The following NRG1 variants were observed in gnomAD, a reference collection of about 807,000 sequenced individuals.
NRG1 encodes the protein neuregulin 1.
A neutral mutation model predicts 63.8 loss-of-function variants in NRG1; 18 were observed. The observed-to-expected ratio is 0.28, with a 90% CI of 0.19 to 0.42. The LOEUF (loss-of-function observed/expected upper bound fraction) is 0.42, where lower values mean the gene tolerates loss of function less well. Ranked by LOEUF, NRG1 falls within the 10% of genes least tolerant of loss-of-function variation. The pLI, the probability that NRG1 is intolerant of heterozygous loss-of-function variation, is 1.00. For synonymous variants in NRG1, 302 were observed against 301.3 expected, an observed-to-expected ratio of 1.00 and a Z score of -0.02; for missense variants, 762 against 814.7, an observed-to-expected ratio of 0.94 and a Z score of 0.79.
intron 1 of NRG1, among the ~76,000 whole-genome samples, chr8:32,437,725 A>G: frequency 6.6e-6 from 1 of 152,172 alleles, no homozygotes; most frequent in East Asian, 1.9e-4. Context: ...TTACCAACAT[A>G]ACACCATCCT....
At chr8:32,411,216 A>G (rs1223504364) in intron 1 of NRG1, among the ~76,000 whole-genome samples, 1 of 152,166 alleles carries the variant, frequency 6.6e-6, no homozygotes, top group Non-Finnish European at 1.5e-5. Flanking sequence ...GACTCTGAGA[A>G]GACAGGTGGC....
At chr8:32,176,663 T>C (rs1043806286) in intron 1 of NRG1, among the ~76,000 whole-genome samples, 56 of 151,920 alleles carry the variant, frequency 3.7e-4, no homozygotes, top group African/African-American at 1.0e-3. Flanking sequence ...AAAAAGTGGG[T>C]GAAGGATATG....
At chr8:32,584,059 T>TACAC (rs113141626) in intron 1 of NRG1, among the ~76,000 whole-genome samples, 38,955 of 152,030 alleles carry the variant, frequency 0.26, 5,104 homozygotes, top group South Asian at 0.33. Flanking sequence ...TAGGGGAGAC[T>TACAC]ATTTGGACTC....
intron 1 of NRG1, among the ~76,000 whole-genome samples, chr8:32,094,097 A>T (rs1012905414): frequency 1.3e-5 from 2 of 152,160 alleles, no homozygotes; most frequent in African/African-American, 4.8e-5. Context: ...TCTGATATAT[A>T]CCTGTATCCA....
At chr8:32,258,678 G>A (rs149594432) in intron 1 of NRG1, among the ~76,000 whole-genome samples, 31 of 152,178 alleles carry the variant, frequency 2.0e-4, no homozygotes, top group Non-Finnish European at 3.5e-4. Context: ...ATCAGATCTC[G>A]TGAGAACTCA....
intron 5 of NRG1, chr8:32,647,423 C>T (rs991389973): frequency 1.0e-6 from 1 of 985,386 alleles, no homozygotes; most frequent in Admixed American, 6.1e-5. Context: ...GATCTATTTT[C>T]GTCCCTGTCC....
chr8:32,505,615 A>G (rs1292650897), intron 1 of NRG1, among the ~76,000 whole-genome samples: 2 of 152,196 alleles, frequency 1.3e-5, no homozygotes, highest in African/African-American at 2.4e-5. Flanking sequence ...AAAATAGCCA[A>G]AGAGAAAGCG....
At chr8:32,089,809 A>T (rs1023950747) in intron 1 of NRG1, among the ~76,000 whole-genome samples, 1 of 152,194 alleles carries the variant, frequency 6.6e-6, no homozygotes, top group Non-Finnish European at 1.5e-5. Flanking sequence ...AAAGAGAAAG[A>T]AAAAAAGAAC....
chr8:32,682,583 A>C (rs1232164942), intron 5 of NRG1, among the ~76,000 whole-genome samples: 1 of 152,196 alleles, frequency 6.6e-6, no homozygotes, highest in African/African-American at 2.4e-5. Flanking sequence ...CTACAGAGCT[A>C]TAGACTGTTT....
intron 1 of NRG1, among the ~76,000 whole-genome samples, chr8:31,926,534 A>G (rs9886607): frequency 0.041 from 6,255 of 152,220 alleles, 453 homozygotes; most frequent in African/African-American, 0.14. Context: ...TGCCATCGAA[A>G]GAGATTAGGC....
intron 1 of NRG1, among the ~76,000 whole-genome samples, chr8:32,018,169 A>C (rs1317219519): frequency 6.6e-6 from 1 of 152,226 alleles, no homozygotes; most frequent in Non-Finnish European, 1.5e-5. Flanking sequence ...ATTTTTTCTA[A>C]GTGAAGTTAA....
At chr8:32,091,486 C>T (rs576617911) in intron 1 of NRG1, among the ~76,000 whole-genome samples, 46 of 152,256 alleles carry the variant, frequency 3.0e-4, no homozygotes, top group African/African-American at 1.1e-3. Flanking sequence ...TTTTTACTTT[C>T]TCTCATCCAA....
chr8:31,956,190 A>G (rs901580837), intron 1 of NRG1, among the ~76,000 whole-genome samples: 9 of 152,162 alleles, frequency 5.9e-5, no homozygotes, highest in African/African-American at 1.9e-4. Context: ...ATAATTGTGA[A>G]TTCCCCAAGC....
At chr8:31,986,556 A>G (rs1810104769) in intron 1 of NRG1, among the ~76,000 whole-genome samples, 1 of 152,146 alleles carries the variant, frequency 6.6e-6, no homozygotes, top group Admixed American at 6.6e-5. Flanking sequence ...ACAATGGAGC[A>G]TGAAATATTT....
At chr8:32,235,918 A>G (rs1847501061) in intron 1 of NRG1, among the ~76,000 whole-genome samples, 3 of 152,176 alleles carry the variant, frequency 2.0e-5, no homozygotes. Context: ...ACAAGATTCA[A>G]AGGCAAATTA....
chr8:32,055,719 T>A (rs1384400627), intron 1 of NRG1, among the ~76,000 whole-genome samples: 1 of 124,508 alleles, frequency 8.0e-6, no homozygotes, highest in Non-Finnish European at 1.7e-5. Context: ...CTCACCACTT[T>A]AAAATAACGT....
chr8:32,066,286 C>T (rs1456934991), intron 1 of NRG1, among the ~76,000 whole-genome samples: 2 of 152,136 alleles, frequency 1.3e-5, no homozygotes, highest in East Asian at 3.9e-4. Flanking sequence ...AATGGTATTG[C>T]CTAGGTTTTC....
At chr8:32,195,359 A>G (rs2132243388) in intron 1 of NRG1, among the ~76,000 whole-genome samples, 1 of 150,616 alleles carries the variant, frequency 6.6e-6, no homozygotes, top group East Asian at 2.0e-4. Context: ...GAATCACTTG[A>G]CCCCAGGAGG....
At chr8:31,791,332 T>C (rs1820689315) in intron 1 of NRG1, among the ~76,000 whole-genome samples, 2 of 152,164 alleles carry the variant, frequency 1.3e-5, no homozygotes, top group Non-Finnish European at 2.9e-5. Context: ...ACGTAGTACC[T>C]AGGTACTACA....
Sources: allele counts gnomAD v4.1 joint callset (sites outside exome capture counted in the v4.1 genomes callset), GRCh38; gene constraint gnomAD v4.1.1; transcripts MANE v1.5; gene names NCBI Gene and HGNC (gene_info 2026-07-23, HGNC 2026-07-21).